The following ARMC2 variants were observed in gnomAD, a reference collection of about 807,000 sequenced individuals.
ARMC2 encodes armadillo repeat-containing protein 2.
Under a neutral mutation model 90.3 loss-of-function variants are expected in ARMC2, and 67 were observed. The ratio of observed to expected loss-of-function variants is 0.74; its 90% CI spans 0.61 to 0.91. The LOEUF (loss-of-function observed/expected upper bound fraction) is 0.91. Ranked by LOEUF, ARMC2 falls within the 40% of genes least tolerant of loss-of-function variation. The probability of loss-of-function intolerance (pLI) is 0.00; values close to 1 mark genes in which losing one functional copy is unlikely to be tolerated. For missense variants in ARMC2, 920 were observed against 1,030.9 expected (o/e 0.89, Z 1.47); for synonymous variants, 393 against 393.0 (o/e 1.00, Z 0.00).
At chr6:108,854,710 G>A (rs192091570) in intron 2 of ARMC2, among the ~76,000 whole-genome samples, 1 of 152,288 alleles carries the variant, frequency 6.6e-6, no homozygotes, top group Non-Finnish European at 1.5e-5. Flanking sequence ...TGGTACATTG[G>A]TTACCATCGA....
At chr6:108,904,439 T>C in intron 8 of ARMC2, 34 bp downstream of exon 8, 1 of 1,527,776 alleles carries the variant, frequency 6.5e-7, no homozygotes, top group Non-Finnish European at 8.8e-7. Context: ...TAGTAGACTA[T>C]ATCACATAAA....
Position 108,876,385 on chromosome 6 carries a change from A to T in ARMC2, c.671+35A>T. 3 of 1,570,910 alleles carry T rather than the reference A, an allele frequency of 1.9e-6. No homozygotes were observed. In the African/African-American group the frequency reaches 4.1e-5, roughly 22 times the overall value. On this transcript the variant is annotated intron_variant, in intron 5 of 17. Transcript: ENST00000392644. ...CTTTTTATTTAATTTTCTGGTCAGGATAATGGTATCATTTACCAGTTTCTT... is the reference window on the plus strand; with the variant it reads ...CTTTTTATTTAATTTTCTGGTCAGGTTAATGGTATCATTTACCAGTTTCTT...
At chr6:108,936,056 T>C (rs1389672150) in intron 11 of ARMC2, among the ~76,000 whole-genome samples, 1 of 152,116 alleles carries the variant, frequency 6.6e-6, no homozygotes, top group African/African-American at 2.4e-5. Context: ...CATCTCCTGA[T>C]TTGTTGTGGG....
At chr6:108,940,042 G>A (rs1230833052) in intron 12 of ARMC2, among the ~76,000 whole-genome samples, 1 of 152,014 alleles carries the variant, frequency 6.6e-6, no homozygotes, top group African/African-American at 2.4e-5. Flanking sequence ...TTTTTCTATT[G>A]GTTGCTACCT....
chr6:108,887,329 C>T (rs1385565888), intron 5 of ARMC2, among the ~76,000 whole-genome samples: 1 of 152,126 alleles, frequency 6.6e-6, no homozygotes, highest in Non-Finnish European at 1.5e-5. Context: ...CAAGTCAGTC[C>T]GTGTGTAGCA....
chr6:108,903,989 CTG>C, intron 7 of ARMC2, among the ~76,000 whole-genome samples: 1 of 151,938 alleles, frequency 6.6e-6, no homozygotes, highest in East Asian at 1.9e-4. Flanking sequence ...CTTTGAAAGA[CTG>C]TGTATTCTAG....
intron 7 of ARMC2, among the ~76,000 whole-genome samples, chr6:108,900,885 C>A (rs1158625555): frequency 6.6e-6 from 1 of 152,086 alleles, no homozygotes; most frequent in African/African-American, 2.4e-5. Flanking sequence ...ATGACTTTTT[C>A]CCCTCTAGAG....
At chr6:108,916,655 G>A (rs561627960) in intron 10 of ARMC2, among the ~76,000 whole-genome samples, 1 of 152,320 alleles carries the variant, frequency 6.6e-6, no homozygotes, top group African/African-American at 2.4e-5. Context: ...AATGCCAGTA[G>A]TAAATTGCAC....
intron 4 of ARMC2, among the ~76,000 whole-genome samples, chr6:108,872,242 G>A (rs1776491833): frequency 6.6e-6 from 1 of 152,214 alleles, no homozygotes; most frequent in Non-Finnish European, 1.5e-5. Flanking sequence ...AGAGATTTGT[G>A]TAGTCATCTC....
chr6:108,861,976 GA>G (rs1466176561), intron 3 of ARMC2, among the ~76,000 whole-genome samples: 21 of 152,274 alleles, frequency 1.4e-4, no homozygotes, highest in Non-Finnish European at 1.3e-4. Context: ...GCTAAGACAA[GA>G]TAGGCATTTA....
At chr6:108,851,621 C>CT (rs932091261) in intron 1 of ARMC2, among the ~76,000 whole-genome samples, 57 of 148,114 alleles carry the variant, frequency 3.8e-4, no homozygotes, top group African/African-American at 1.1e-3. Flanking sequence ...TATATCATAG[C>CT]TTTTTTTTTT....
intron 17 of ARMC2, among the ~76,000 whole-genome samples, chr6:108,971,333 G>A (rs182500881): frequency 1.3e-4 from 20 of 152,302 alleles, no homozygotes; most frequent in African/African-American, 4.6e-4. Flanking sequence ...TCAGGGCCCA[G>A]TTATCTCATG....
intron 10 of ARMC2, among the ~76,000 whole-genome samples, chr6:108,923,482 T>A (rs1328344773): frequency 6.6e-6 from 1 of 151,662 alleles, no homozygotes; most frequent in Non-Finnish European, 1.5e-5. Flanking sequence ...CAACTGAGAG[T>A]TCTTGTTTTC....
the ARMC2 span, chr6:108,987,332 C>T: frequency 6.6e-6 from 3 of 454,700 alleles, no homozygotes; most frequent in South Asian, 1.5e-4. Context: ...GAATGGCAGC[C>T]TGTCTTCACA....
At chr6:109,041,081 G>T in the ARMC2 span, among the ~76,000 whole-genome samples, 1 of 151,798 alleles carries the variant, frequency 6.6e-6, no homozygotes, top group Non-Finnish European at 1.5e-5. Context: ...AAGGAGATTA[G>T]CATGAGCCCA....
intron 16 of ARMC2, 51 bp downstream of exon 16, chr6:108,964,363 A>G: frequency 1.3e-6 from 2 of 1,585,990 alleles, no homozygotes; most frequent in Non-Finnish European, 1.7e-6. Context: ...GAAGGACATC[A>G]TTTTCTTGGG....
the ARMC2 span, among the ~76,000 whole-genome samples, chr6:108,992,315 C>G: frequency 1.3e-5 from 2 of 151,892 alleles, no homozygotes; most frequent in African/African-American, 4.8e-5. Context: ...AGGGTTTCCC[C>G]TTGTTGGCCA....
chr6:109,019,544 T>C, the ARMC2 span, among the ~76,000 whole-genome samples: 1 of 152,234 alleles, frequency 6.6e-6, no homozygotes, highest in Non-Finnish European at 1.5e-5. Context: ...ACCTAAAGCA[T>C]TATCAGTCCT....
chr6:108,989,515 A>G, the ARMC2 span, among the ~76,000 whole-genome samples: 1,910 of 143,952 alleles, frequency 0.013, 14 homozygotes, highest in South Asian at 0.029. Context: ...CTATATATAT[A>G]TAGAGAGATA....
Sources: gnomAD v4.1 joint callset for allele counts (sites outside exome capture counted in the v4.1 genomes callset) on GRCh38, gnomAD v4.1.1 for gene constraint, MANE v1.5 for transcripts, NCBI Gene and HGNC (gene_info 2026-07-23, HGNC 2026-07-21) for gene names.